The following RBFOX1 variants were observed in gnomAD, a reference collection of about 807,000 sequenced individuals.
RBFOX1 encodes the protein RNA binding fox-1 homolog 1.
A neutral mutation model predicts 57.7 loss-of-function variants in RBFOX1; 8 were observed. The ratio of observed to expected loss-of-function variants is 0.14; its 90% CI spans 0.08 to 0.25. The LOEUF (loss-of-function observed/expected upper bound fraction) is 0.25. Ranked by LOEUF, RBFOX1 falls within the 10% of genes least tolerant of loss-of-function variation. The pLI is 1.00. For missense variants in RBFOX1, 611 were observed against 548.5 expected (o/e 1.11, Z -1.14); for synonymous variants, 326 against 222.4 (o/e 1.47, Z -4.15).
intron 1 of RBFOX1, among the ~76,000 whole-genome samples, chr16:6,207,651 G>A (rs2097263833): frequency 2.6e-5 from 4 of 152,110 alleles, no homozygotes; most frequent in African/African-American, 4.8e-5. Flanking sequence ...CCCATTTGAT[G>A]TGCAGATTGT....
At chr16:6,275,957 T>A (rs926180964) in intron 1 of RBFOX1, among the ~76,000 whole-genome samples, 2 of 152,202 alleles carry the variant, frequency 1.3e-5, no homozygotes, top group Admixed American at 1.3e-4. Context: ...TTTTGTATAT[T>A]GCATTGCCTT....
intron 3 of RBFOX1, among the ~76,000 whole-genome samples, chr16:6,680,386 C>T (rs2058469135): frequency 6.6e-6 from 1 of 151,122 alleles, no homozygotes; most frequent in South Asian, 2.1e-4. Context: ...CCTCAGCCTC[C>T]CGAGTAGCTG....
At chr16:6,778,788 A>G (rs2079826512) in intron 3 of RBFOX1, among the ~76,000 whole-genome samples, 1 of 151,956 alleles carries the variant, frequency 6.6e-6, no homozygotes, top group African/African-American at 2.4e-5. Context: ...CAATAAATCC[A>G]CCTTATAAAT....
At chr16:6,548,907 C>A (rs891551774) in intron 2 of RBFOX1, among the ~76,000 whole-genome samples, 4 of 151,662 alleles carry the variant, frequency 2.6e-5, no homozygotes, top group Non-Finnish European at 4.4e-5. Context: ...GAAACCCCAT[C>A]TCTACTAAAA....
chr16:6,028,957 C>T (rs2095246962), intron 1 of RBFOX1, among the ~76,000 whole-genome samples: 1 of 152,136 alleles, frequency 6.6e-6, no homozygotes, highest in Non-Finnish European at 1.5e-5. Flanking sequence ...GAGCTTGGGC[C>T]AGTTACTGCA....
chr16:6,907,284 T>C (rs2070267577), intron 3 of RBFOX1, among the ~76,000 whole-genome samples: 1 of 152,136 alleles, frequency 6.6e-6, no homozygotes, highest in Non-Finnish European at 1.5e-5. Context: ...GTGAGAGTCA[T>C]CTTTACCGAT....
chr16:6,888,649 A>G lies in RBFOX1; in HGVS notation c.-15-163408A>G, dbSNP rs542549032. Among the ~76,000 whole-genome samples the G allele has an allele frequency of 3.3e-5, 5 of 152,212 alleles. No individual in the cohort carries two copies. The South Asian group carries it at 6.2e-4, about 19-fold the overall frequency. On this transcript the variant is annotated intron_variant, in intron 3 of 15. Coordinates refer to ENST00000550418, the MANE Select transcript of RBFOX1 (RefSeq NM_018723.4). ...GGCTGTTCCTTGCAGGTCAGTATTT[A>G]TACTATTTCTGACCCAGATGTCTCC... is the stretch of plus-strand genomic sequence containing the variant.
chr16:6,378,400 T>C (rs1235152002), intron 2 of RBFOX1, among the ~76,000 whole-genome samples: 1 of 152,196 alleles, frequency 6.6e-6, no homozygotes, highest in East Asian at 1.9e-4. Context: ...CTTTCTGCAC[T>C]AGCCTGTCAG....
intron 2 of RBFOX1, among the ~76,000 whole-genome samples, chr16:6,357,796 CA>C (rs1375369764): frequency 8.6e-5 from 13 of 151,662 alleles, no homozygotes; most frequent in Non-Finnish European, 1.6e-4. Context: ...ACTAAAATTA[CA>C]AAAATTAGCC....
intron 2 of RBFOX1, among the ~76,000 whole-genome samples, chr16:6,510,972 C>G (rs2096244711): frequency 6.6e-6 from 1 of 152,136 alleles, no homozygotes; most frequent in South Asian, 2.1e-4. Context: ...CTGCTTCTGT[C>G]TCCCACGGCA....
intron 1 of RBFOX1, among the ~76,000 whole-genome samples, chr16:5,309,593 T>C (rs1032864487): frequency 4.6e-5 from 7 of 152,212 alleles, no homozygotes; most frequent in Non-Finnish European, 1.0e-4. Flanking sequence ...GTGTGGGCTT[T>C]AAGTGTAACC....
intron 4 of RBFOX1, among the ~76,000 whole-genome samples, chr16:5,984,028 CCTT>C (rs1344721754): frequency 2.2e-5 from 3 of 135,966 alleles, no homozygotes; most frequent in Admixed American, 7.4e-5. Flanking sequence ...CTTCCTTCTT[CCTT>C]CTTCTTCCTC....
chr16:5,830,546 A>G (rs2056229081), intron 3 of RBFOX1, among the ~76,000 whole-genome samples: 1 of 152,150 alleles, frequency 6.6e-6, no homozygotes, highest in Non-Finnish European at 1.5e-5. Context: ...CGTCCCAGCC[A>G]GAGTGGTGAC....
chr16:6,998,393 T>A (rs887006797), intron 3 of RBFOX1, among the ~76,000 whole-genome samples: 2 of 152,056 alleles, frequency 1.3e-5, no homozygotes, highest in African/African-American at 4.8e-5. Flanking sequence ...TGAAAACTAA[T>A]CTGAAGGGGG....
intron 4 of RBFOX1, among the ~76,000 whole-genome samples, chr16:5,907,262 T>G (rs2058482519): frequency 6.6e-6 from 1 of 151,914 alleles, no homozygotes; most frequent in East Asian, 1.9e-4. Flanking sequence ...ATTGAGATAG[T>G]GGAGTTCTCA....
intron 4 of RBFOX1, among the ~76,000 whole-genome samples, chr16:7,267,281 T>C (rs1388435001): frequency 1.3e-5 from 2 of 151,924 alleles, no homozygotes; most frequent in East Asian, 3.9e-4. Context: ...ATGCCTGTAA[T>C]GCGAGCACTT....
intron 4 of RBFOX1, among the ~76,000 whole-genome samples, chr16:7,509,072 T>C (rs369361931): frequency 6.4e-4 from 97 of 152,346 alleles, no homozygotes; most frequent in Admixed American, 3.3e-3. Flanking sequence ...GCCTTTGGCA[T>C]TGATGTGGGA....
chr16:5,622,180 G>A (rs1430007588), intron 3 of RBFOX1, among the ~76,000 whole-genome samples: 1 of 152,190 alleles, frequency 6.6e-6, no homozygotes, highest in Non-Finnish European at 1.5e-5. Context: ...AATCTACAGT[G>A]TACCTGCTAG....
Position 6,645,338 on chromosome 16 carries a change from C to G in RBFOX1, c.-63-9265C>G, listed in dbSNP as rs911072732. Among the ~76,000 whole-genome samples the G allele has an allele frequency of 2.0e-5, 3 of 152,210 alleles. No homozygotes were observed. In the East Asian group the frequency reaches 5.8e-4, roughly 29 times the overall value. On this transcript the variant is annotated intron_variant, in intron 2 of 15. Transcript: ENST00000550418. ...TATCTTTTGGGGGGCTGCTGTTGAA[C>G]CCCGTGCTGGCTACTCACTTCTAAA...
Sources: gnomAD v4.1 joint callset for allele counts (sites outside exome capture counted in the v4.1 genomes callset) on GRCh38, gnomAD v4.1.1 for gene constraint, MANE v1.5 for transcripts, NCBI Gene and HGNC (gene_info 2026-07-23, HGNC 2026-07-21) for gene names.